Variants in EYA1 observed in about 807,000 individuals in gnomAD.
The protein encoded by EYA1 is EYA transcriptional coactivator and phosphatase 1.
In EYA1, 16 loss-of-function variants were observed where a neutral mutation model predicts 82.0. The observed-to-expected ratio is 0.20, with a 90% CI of 0.13 to 0.30. The LOEUF (loss-of-function observed/expected upper bound fraction) is 0.30. Ranked by LOEUF, EYA1 falls within the 10% of genes least tolerant of loss-of-function variation. The pLI, the probability that EYA1 is intolerant of heterozygous loss-of-function variation, is 1.00. For missense variants in EYA1, 633 were observed against 730.7 expected, an observed-to-expected ratio of 0.87 and a Z score of 1.54; for synonymous variants, 261 against 264.4, an observed-to-expected ratio of 0.99 and a Z score of 0.12.
chr8:71,283,128 C>T (rs1460304703), intron 9 of EYA1, among the ~76,000 whole-genome samples: 3 of 90,204 alleles, frequency 3.3e-5, no homozygotes, highest in Non-Finnish European at 8.5e-5. Flanking sequence ...CCTTTACCCT[C>T]CCACTTTCCT....
At chr8:71,546,493 C>T (rs1163448356) in intron 1 of EYA1, among the ~76,000 whole-genome samples, 3 of 150,932 alleles carry the variant, frequency 2.0e-5, no homozygotes, top group African/African-American at 7.3e-5. Context: ...GCTTAGTAGA[C>T]ACTTTCTACT....
intron 2 of EYA1, among the ~76,000 whole-genome samples, chr8:71,514,004 T>C (rs369768861): frequency 6.6e-6 from 1 of 152,166 alleles, no homozygotes; most frequent in African/African-American, 2.4e-5. Context: ...ACTGTGTATA[T>C]GTACCACGTT....
intron 2 of EYA1, among the ~76,000 whole-genome samples, chr8:71,534,871 T>C (rs1468625546): frequency 1.0e-5 from 1 of 95,944 alleles, no homozygotes; most frequent in Non-Finnish European, 2.2e-5. Context: ...GAACTTAAAC[T>C]AAATAACAAA....
chr8:71,404,649 T>G (rs1830116635), intron 2 of EYA1: 1 of 152,218 alleles, frequency 6.6e-6, no homozygotes, highest in Non-Finnish European at 1.5e-5. Flanking sequence ...CCTGGGGCGG[T>G]GGCTCATGCC....
chr8:71,526,599 G>C (rs1813833995), intron 2 of EYA1, among the ~76,000 whole-genome samples: 2 of 152,166 alleles, frequency 1.3e-5, no homozygotes, highest in African/African-American at 4.8e-5. Context: ...CACTCCCATG[G>C]TTGTTGTGGA....
intron 12 of EYA1, among the ~76,000 whole-genome samples, chr8:71,243,845 G>A (rs1812768590): frequency 1.3e-5 from 2 of 152,100 alleles, no homozygotes; most frequent in Non-Finnish European, 2.9e-5. Flanking sequence ...TTTATAAATC[G>A]AACAAAACAA....
At chr8:71,484,067 G>A (rs1210344874) in intron 2 of EYA1, among the ~76,000 whole-genome samples, 1 of 152,174 alleles carries the variant, frequency 6.6e-6, no homozygotes, top group Non-Finnish European at 1.5e-5. Context: ...AGGAGCCAGG[G>A]GCTGGTTGAC....
intron 2 of EYA1, among the ~76,000 whole-genome samples, chr8:71,474,757 T>C (rs962475278): frequency 1.3e-5 from 2 of 152,182 alleles, no homozygotes; most frequent in African/African-American, 2.4e-5. Flanking sequence ...GAAAATCAAA[T>C]GTACATGTTT....
At chr8:71,333,374 G>A (rs1171441358) in intron 4 of EYA1, among the ~76,000 whole-genome samples, 1 of 152,016 alleles carries the variant, frequency 6.6e-6, no homozygotes, top group African/African-American at 2.4e-5. Context: ...ATTTCCAATA[G>A]AGAGGTGCTA....
chr8:71,313,146 G>A (rs1328383003), intron 7 of EYA1, among the ~76,000 whole-genome samples: 2 of 152,088 alleles, frequency 1.3e-5, no homozygotes, highest in African/African-American at 4.8e-5. Flanking sequence ...CACCACTGCT[G>A]CCATACAGCT....
intron 2 of EYA1, among the ~76,000 whole-genome samples, chr8:71,381,427 C>T: frequency 6.6e-6 from 1 of 151,976 alleles, no homozygotes; most frequent in Admixed American, 6.6e-5. Flanking sequence ...TGCTCTATGC[C>T]AAAAGGAGAT....
At chr8:71,236,288 A>G (rs1439978627) in intron 12 of EYA1, among the ~76,000 whole-genome samples, 1 of 152,154 alleles carries the variant, frequency 6.6e-6, no homozygotes, top group African/African-American at 2.4e-5. Context: ...TGCCTGCCCC[A>G]GACTCCCTAA....
chr8:71,211,632 C>G (rs139147662), intron 16 of EYA1, among the ~76,000 whole-genome samples: 22 of 152,294 alleles, frequency 1.4e-4, no homozygotes, highest in African/African-American at 5.1e-4. Context: ...ATAGGCAATT[C>G]TGGCAACATA....
intron 9 of EYA1, among the ~76,000 whole-genome samples, chr8:71,295,109 T>C (rs1819459628): frequency 1.3e-5 from 2 of 152,300 alleles, no homozygotes; most frequent in East Asian, 1.9e-4. Flanking sequence ...GAGAACTAGA[T>C]GTAAAATGCA....
chr8:71,277,115 A>ATGCTTTTTTTTTT (rs1563383057), intron 9 of EYA1, among the ~76,000 whole-genome samples: 1 of 76,938 alleles, frequency 1.3e-5, no homozygotes, highest in Non-Finnish European at 2.3e-5. Flanking sequence ...GGCTTCACAC[A>ATGCTTTTTTTTTT]TTTTTTTTTT....
At chr8:71,317,784 G>T (rs1322078174) in intron 6 of EYA1, 95 bp from the exon 7 acceptor site, 6 of 1,169,708 alleles carry the variant, frequency 5.1e-6, no homozygotes, top group Non-Finnish European at 7.7e-6. Context: ...AACTACAAAT[G>T]CTTCCCCAAT....
At chr8:71,409,105 AC>A (rs1830444857) in intron 2 of EYA1, among the ~76,000 whole-genome samples, 1 of 96,480 alleles carries the variant, frequency 1.0e-5, no homozygotes, top group South Asian at 3.5e-4. Flanking sequence ...AAACTGAACA[AC>A]CTGCTCCTGA....
At chr8:71,440,801 A>G (rs4637875) in intron 2 of EYA1, among the ~76,000 whole-genome samples, 61,872 of 151,984 alleles carry the variant, frequency 0.41, 13,224 homozygotes, top group East Asian at 0.68. Context: ...AAGTTGCCCA[A>G]GAAGAGAAAG....
At chr8:71,247,419 C>T (rs1195907486) in intron 11 of EYA1, among the ~76,000 whole-genome samples, 2 of 152,048 alleles carry the variant, frequency 1.3e-5, no homozygotes, top group East Asian at 3.9e-4. Flanking sequence ...GGCAAATACC[C>T]CAGGGTTGAT....
Sources: allele counts gnomAD v4.1 joint callset (sites outside exome capture counted in the v4.1 genomes callset), GRCh38; gene constraint gnomAD v4.1.1; transcripts MANE v1.5; gene names NCBI Gene and HGNC (gene_info 2026-07-23, HGNC 2026-07-21).